HDAC9: variants seen among roughly 807,000 people sequenced by gnomAD.
The protein encoded by HDAC9 is MEF-2 interacting transcription repressor (MITR) protein.
A neutral mutation model predicts 139.4 loss-of-function variants in HDAC9; 41 were observed. The observed-to-expected ratio is 0.29, with a 90% confidence interval of 0.23 to 0.38. HDAC9 has a LOEUF of 0.38. Ranked by LOEUF, HDAC9 falls within the 10% of genes least tolerant of loss-of-function variation. The probability of loss-of-function intolerance (pLI) is 1.00; values close to 1 mark genes in which losing one functional copy is unlikely to be tolerated. For missense variants in HDAC9, 1,147 were observed against 1,297.0 expected (o/e 0.88, Z 1.78); for synonymous variants, 517 against 476.2 (o/e 1.09, Z -1.12).
At chr7:18,267,291 T>C (rs1295635801) in intron 2 of HDAC9, among the ~76,000 whole-genome samples, 1 of 152,154 alleles carries the variant, frequency 6.6e-6, no homozygotes, top group East Asian at 1.9e-4. Flanking sequence ...CTACTTTTTT[T>C]GTGGCGAGAA....
chr7:18,100,655 G>A (rs1178257323), intron 1 of HDAC9, among the ~76,000 whole-genome samples: 1 of 152,106 alleles, frequency 6.6e-6, no homozygotes, highest in Non-Finnish European at 1.5e-5. Flanking sequence ...CTGGACATAT[G>A]GAATAGATTC....
intron 12 of HDAC9, chr7:18,668,853 A>G: frequency 1.0e-6 from 1 of 983,698 alleles, no homozygotes; most frequent in Non-Finnish European, 1.2e-6. Flanking sequence ...ATCCCCTTTC[A>G]TACACTTGGC....
intron 1 of HDAC9, among the ~76,000 whole-genome samples, chr7:18,435,285 G>A (rs561852041): frequency 4.6e-5 from 7 of 152,002 alleles, no homozygotes; most frequent in African/African-American, 1.4e-4. Context: ...AGTGAGGATT[G>A]AAAAACTACC....
chr7:18,772,446 C>G (rs1425850178), intron 16 of HDAC9, among the ~76,000 whole-genome samples: 1 of 152,058 alleles, frequency 6.6e-6, no homozygotes, highest in Non-Finnish European at 1.5e-5. Context: ...TTATCCTGAG[C>G]AAGCACAATG....
chr7:18,493,859 G>A (rs943561018), upstream of HDAC9, among the ~76,000 whole-genome samples: 2 of 151,820 alleles, frequency 1.3e-5, no homozygotes, highest in East Asian at 1.9e-4. Context: ...CTGGTTCCAC[G>A]GAGAACCTTT....
At position 18,666,227 on chromosome 7, in the gene HDAC9, T is replaced by C; in HGVS notation, c.1482T>C (p.Ser494=). The C allele has an allele frequency of 6.2e-7, 1 of 1,611,898 alleles. No individual in the cohort carries two copies. The highest frequency in any genetic ancestry group is 8.5e-7 in the Non-Finnish European group (1 of 1,178,538). ...QIHMNKLLSK[S]IEQLKQPGSH... ...CTCTCTTCTAGCTGCTTTCGAAATC[T>C]ATTGAACAACTGAAGCAACCAGGCA... The change falls in exon 12 of 26, where the codon TCT becomes TCC. Residue 494 remains serine (S), a synonymous_variant. Transcript: ENST00000686413.
At chr7:18,756,635 T>G (rs1362299024) in intron 14 of HDAC9, among the ~76,000 whole-genome samples, 1 of 152,232 alleles carries the variant, frequency 6.6e-6, no homozygotes, top group Non-Finnish European at 1.5e-5. Context: ...ATCTTAAGGC[T>G]AAAAATGAGC....
intron 21 of HDAC9, chr7:18,851,590 A>G (rs772907977): frequency 7.2e-5 from 11 of 152,148 alleles, no homozygotes; most frequent in Non-Finnish European, 1.2e-4. Flanking sequence ...CGTTCGTATT[A>G]CCTCTTAGTA....
At chr7:18,869,162 GT>G (rs1798722353) in intron 21 of HDAC9, among the ~76,000 whole-genome samples, 1 of 150,980 alleles carries the variant, frequency 6.6e-6, no homozygotes, top group Non-Finnish European at 1.5e-5. Flanking sequence ...GTGTGTGTGT[GT>G]GTGTGTGTGT....
At chr7:18,405,988 T>C (rs1206998584) in intron 1 of HDAC9, among the ~76,000 whole-genome samples, 1 of 152,214 alleles carries the variant, frequency 6.6e-6, no homozygotes, top group Non-Finnish European at 1.5e-5. Context: ...GAATCCTGTC[T>C]ACCAGGAGTT....
intron 17 of HDAC9, among the ~76,000 whole-genome samples, chr7:18,813,242 G>C (rs921740130): frequency 3.9e-5 from 6 of 152,080 alleles, no homozygotes; most frequent in Admixed American, 3.9e-4. Context: ...AGAAACAGTG[G>C]AGGCTTAAAA....
At chr7:18,296,144 AC>A (rs1431834227) in intron 1 of HDAC9, among the ~76,000 whole-genome samples, 2 of 152,150 alleles carry the variant, frequency 1.3e-5, no homozygotes, top group Non-Finnish European at 2.9e-5. Context: ...TTGTGTACTC[AC>A]GTGAATTACC....
chr7:18,883,901 C>G (rs775163997), intron 22 of HDAC9, among the ~76,000 whole-genome samples: 3 of 151,960 alleles, frequency 2.0e-5, no homozygotes, highest in Non-Finnish European at 4.4e-5. Flanking sequence ...CTAACAATGA[C>G]CTATCTGAAA....
intron 1 of HDAC9, among the ~76,000 whole-genome samples, chr7:18,300,361 T>C (rs2128611956): frequency 6.6e-6 from 1 of 152,246 alleles, no homozygotes; most frequent in Non-Finnish European, 1.5e-5. Context: ...CCGTTTTTAA[T>C]TGGTTCCACT....
intron 14 of HDAC9, among the ~76,000 whole-genome samples, chr7:18,760,823 A>G (rs934869075): frequency 2.0e-5 from 3 of 152,242 alleles, no homozygotes; most frequent in Non-Finnish European, 4.4e-5. Context: ...AGAAATTGTC[A>G]GATATTGAAG....
At chr7:18,157,841 G>GAGAGAGAGAGAGAGAGAC (rs1787330091) in intron 1 of HDAC9, among the ~76,000 whole-genome samples, 2 of 149,422 alleles carry the variant, frequency 1.3e-5, no homozygotes, top group African/African-American at 5.0e-5. Context: ...GAGAGAGAGA[G>GAGAGAGAGAGAGAGAGAC]AGAGAGAGAG....
chr7:18,296,155 C>T (rs1396762314), intron 1 of HDAC9, among the ~76,000 whole-genome samples: 3 of 152,084 alleles, frequency 2.0e-5, no homozygotes, highest in Non-Finnish European at 4.4e-5. Context: ...CGTGAATTAC[C>T]TCTGCAGAAT....
intron 21 of HDAC9, among the ~76,000 whole-genome samples, chr7:18,861,226 CAA>C (rs1798081593): frequency 6.6e-6 from 1 of 152,116 alleles, no homozygotes; most frequent in Non-Finnish European, 1.5e-5. Flanking sequence ...CATTTCTCAG[CAA>C]AAGAGTGTTT....
intron 1 of HDAC9, among the ~76,000 whole-genome samples, chr7:18,322,679 T>C (rs1406309462): frequency 2.0e-5 from 3 of 152,170 alleles, no homozygotes; most frequent in East Asian, 1.9e-4. Flanking sequence ...GGTGGTTTTC[T>C]TGTTAGGTGC....
Sources: allele counts gnomAD v4.1 joint callset (sites outside exome capture counted in the v4.1 genomes callset), GRCh38; gene constraint gnomAD v4.1.1; transcripts MANE v1.5; gene names NCBI Gene and HGNC (gene_info 2026-07-23, HGNC 2026-07-21).